Variants in RBFOX2 observed in about 807,000 individuals in gnomAD.
The protein encoded by RBFOX2 is RNA binding fox-1 homolog 2.
In RBFOX2, 10 loss-of-function variants were observed where a neutral mutation model predicts 49.1. The ratio of observed to expected loss-of-function variants is 0.20; its 90% CI spans 0.13 to 0.35. The LOEUF (loss-of-function observed/expected upper bound fraction) is 0.35, where lower values mean the gene tolerates loss of function less well. Among genes scored for constraint, RBFOX2 ranks in the 10% least tolerant of loss-of-function variants. The probability of loss-of-function intolerance (pLI) is 1.00; values close to 1 mark genes in which losing one functional copy is unlikely to be tolerated. For missense variants in RBFOX2, 323 were observed against 486.9 expected, an observed-to-expected ratio of 0.66 and a Z score of 3.17; for synonymous variants, 183 against 187.4, an observed-to-expected ratio of 0.98 and a Z score of 0.19.
rs367983886 is a variant in RBFOX2 at position 36,026,244 on chromosome 22, TC to T, written c.186+1995del. Among the ~76,000 whole-genome samples the T allele has an allele frequency of 2.2e-3, 320 of 143,490 alleles. 2 individuals are homozygous for T. The highest frequency in any genetic ancestry group is 7.2e-3 in the African/African-American group (272 of 37,772). The allele number at this position is 143,490 out of a possible 152,430, so 94.1% of individuals were successfully genotyped here. ...GTGAGCCGAGATCGTGCCATTGCAC[TC>T]CAGCCTGGGCAAAAAAAAAAAAAAG... On this transcript the variant is annotated intron_variant, in intron 1 of 13. Coordinates refer to the RBFOX2 transcript ENST00000438146.
At chr22:35,774,275 C>T (rs184522202) in intron 4 of RBFOX2, among the ~76,000 whole-genome samples, 1 of 152,154 alleles carries the variant, frequency 6.6e-6, no homozygotes, top group Non-Finnish European at 1.5e-5. Context: ...TCACTCTAGG[C>T]ATTATCTTAT....
At chr22:35,882,289 G>T (rs755322221) in intron 1 of RBFOX2, among the ~76,000 whole-genome samples, 1 of 152,158 alleles carries the variant, frequency 6.6e-6, no homozygotes, top group Non-Finnish European at 1.5e-5. Flanking sequence ...CTACAGATAG[G>T]TCAAGTAAGA....
chr22:35,870,588 A>G (rs530671322), intron 1 of RBFOX2, among the ~76,000 whole-genome samples: 54 of 152,362 alleles, frequency 3.5e-4, no homozygotes, highest in African/African-American at 1.2e-3. Flanking sequence ...TTGCAGGAAT[A>G]CTTGCAGACA....
At chr22:35,854,149 T>C (rs1232950781) in intron 1 of RBFOX2, among the ~76,000 whole-genome samples, 1 of 151,902 alleles carries the variant, frequency 6.6e-6, no homozygotes, top group Non-Finnish European at 1.5e-5. Flanking sequence ...GAGGCGGAGG[T>C]TGCAGTGAGC....
intron 1 of RBFOX2, among the ~76,000 whole-genome samples, chr22:36,002,084 AAACAAC>A (rs904790772): frequency 2.0e-5 from 3 of 152,198 alleles, no homozygotes; most frequent in South Asian, 2.1e-4. Flanking sequence ...AGAAAAAAGA[AAACAAC>A]AACAACAACA....
intron 1 of RBFOX2, among the ~76,000 whole-genome samples, chr22:35,913,734 A>G (rs1010846744): frequency 6.6e-6 from 1 of 152,000 alleles, no homozygotes; most frequent in Non-Finnish European, 1.5e-5. Flanking sequence ...GGCTATGGGT[A>G]AAGATAATTT....
chr22:36,014,390 G>C (rs886881929), intron 1 of RBFOX2, among the ~76,000 whole-genome samples: 4 of 152,138 alleles, frequency 2.6e-5, no homozygotes, highest in Non-Finnish European at 5.9e-5. Context: ...GATTACAAGC[G>C]TGAGCCACCG....
intron 1 of RBFOX2, among the ~76,000 whole-genome samples, chr22:36,006,243 T>A (rs2058614044): frequency 6.6e-6 from 1 of 152,216 alleles, no homozygotes; most frequent in South Asian, 2.1e-4. Context: ...AAGAGCAAAA[T>A]GCATGCCTGC....
intron 1 of RBFOX2, among the ~76,000 whole-genome samples, chr22:35,927,628 C>T (rs2051820061): frequency 8.0e-6 from 1 of 124,950 alleles, no homozygotes; most frequent in East Asian, 2.1e-4. Context: ...AAAAAAAAAG[C>T]AGAAGAAATA....
At chr22:35,988,646 G>A (rs893409194) in intron 1 of RBFOX2, among the ~76,000 whole-genome samples, 1 of 152,172 alleles carries the variant, frequency 6.6e-6, no homozygotes, top group African/African-American at 2.4e-5. Context: ...TGCATGAGCG[G>A]GTCAAGGGGT....
At chr22:35,939,689 G>A (rs1054004888), upstream of RBFOX2, among the ~76,000 whole-genome samples, 1 of 152,012 alleles carries the variant, frequency 6.6e-6, no homozygotes, top group Non-Finnish European at 1.5e-5. Context: ...GATCCTTGAG[G>A]GCAAGGATGA....
At chr22:36,017,737 T>C (rs1162375269) in intron 1 of RBFOX2, among the ~76,000 whole-genome samples, 2 of 152,198 alleles carry the variant, frequency 1.3e-5, no homozygotes, top group African/African-American at 4.8e-5. Flanking sequence ...AGGTTGGCTC[T>C]AATTGCCTCT....
intron 1 of RBFOX2, among the ~76,000 whole-genome samples, chr22:35,920,898 TAATC>T (rs370202577): frequency 7.7e-4 from 118 of 152,324 alleles, no homozygotes; most frequent in African/African-American, 2.8e-3. Context: ...TGAAACAAGA[TAATC>T]AACAACAAAA....
chr22:35,888,191 A>G (rs2046821923), intron 1 of RBFOX2, among the ~76,000 whole-genome samples: 1 of 152,172 alleles, frequency 6.6e-6, no homozygotes, highest in South Asian at 2.1e-4. Context: ...TCGCCACCAC[A>G]TACATCAAAT....
chr22:35,964,483 T>C (rs1431664122), upstream of RBFOX2, among the ~76,000 whole-genome samples: 1 of 152,176 alleles, frequency 6.6e-6, no homozygotes, highest in African/African-American at 2.4e-5. Context: ...TGAAATGAAA[T>C]GACAAAACTT....
At chr22:35,793,001 A>C (rs924444160) in intron 2 of RBFOX2, among the ~76,000 whole-genome samples, 1 of 152,170 alleles carries the variant, frequency 6.6e-6, no homozygotes, top group African/African-American at 2.4e-5. Context: ...TGGGCTCAAG[A>C]GATTTACAGG....
chr22:35,898,419 CTTTTTTTTTT>C (rs749708583), intron 1 of RBFOX2: 63 of 278,032 alleles, frequency 2.3e-4, no homozygotes, highest in Non-Finnish European at 3.7e-4. Flanking sequence ...TCCCACAATC[CTTTTTTTTTT>C]TTTTTTTTTT....
At chr22:35,946,028 T>A (rs1340119420) in intron 1 of RBFOX2, among the ~76,000 whole-genome samples, 1 of 152,182 alleles carries the variant, frequency 6.6e-6, no homozygotes, top group Non-Finnish European at 1.5e-5. Context: ...TCAGCTGGTA[T>A]AAGCAGTATG....
chr22:35,836,978 G>C (rs1603373225), intron 1 of RBFOX2, among the ~76,000 whole-genome samples: 2 of 152,286 alleles, frequency 1.3e-5, no homozygotes, highest in East Asian at 3.9e-4. Flanking sequence ...AGAGATCTCA[G>C]TGAAATACTC....
Sources: allele counts gnomAD v4.1 joint callset (sites outside exome capture counted in the v4.1 genomes callset), GRCh38; gene constraint gnomAD v4.1.1; transcripts MANE v1.5; gene names NCBI Gene and HGNC (gene_info 2026-07-23, HGNC 2026-07-21).